The following CDH7 variants were observed in gnomAD, a reference collection of about 807,000 sequenced individuals.
The protein encoded by CDH7 is cadherin 7.
CDH7 carries 25 observed loss-of-function variants against 71.8 expected under a neutral mutation model. The observed-to-expected ratio is 0.35, with a 90% CI of 0.25 to 0.49. The LOEUF (loss-of-function observed/expected upper bound fraction) is 0.49, where lower values mean the gene tolerates loss of function less well. CDH7 is among the 20% of genes least tolerant of loss of function. The pLI is 0.99. For missense variants in CDH7, 862 were observed against 974.6 expected, an observed-to-expected ratio of 0.88 and a Z score of 1.54; for synonymous variants, 381 against 363.8, an observed-to-expected ratio of 1.05 and a Z score of -0.54.
chr18:65,769,812 T>C (rs1916489637), intron 2 of CDH7, among the ~76,000 whole-genome samples: 1 of 152,132 alleles, frequency 6.6e-6, no homozygotes, highest in Non-Finnish European at 1.5e-5. Context: ...TTTTGGCAAG[T>C]ATAAGACAGA....
chr18:65,819,101 A>G (rs1443422563), intron 4 of CDH7, among the ~76,000 whole-genome samples: 1 of 152,082 alleles, frequency 6.6e-6, no homozygotes, highest in Non-Finnish European at 1.5e-5. Flanking sequence ...GCTCATTGGC[A>G]TAAGACACTC....
intron 2 of CDH7, among the ~76,000 whole-genome samples, chr18:65,786,799 T>A (rs1285111976): frequency 1.3e-5 from 2 of 152,084 alleles, no homozygotes; most frequent in African/African-American, 4.8e-5. Context: ...TCATCCCACC[T>A]CAGCCTCTTG....
intron 6 of CDH7, among the ~76,000 whole-genome samples, chr18:65,837,253 G>A (rs1243263669): frequency 6.6e-6 from 1 of 152,164 alleles, no homozygotes; most frequent in African/African-American, 2.4e-5. Context: ...ATTCAAGGCT[G>A]TTGCAATAGG....
At chr18:65,813,763 T>C (rs1238497853) in intron 3 of CDH7, among the ~76,000 whole-genome samples, 1 of 152,180 alleles carries the variant, frequency 6.6e-6, no homozygotes, top group Non-Finnish European at 1.5e-5. Context: ...AGAAATGCTT[T>C]CCATATTGAA....
At chr18:65,792,668 G>GA (rs916172974) in intron 2 of CDH7, among the ~76,000 whole-genome samples, 12 of 151,638 alleles carry the variant, frequency 7.9e-5, no homozygotes, top group African/African-American at 2.7e-4. Context: ...GCCCTCTAGA[G>GA]AAGCAAACAA....
intron 11 of CDH7, among the ~76,000 whole-genome samples, chr18:65,871,075 A>G (rs1913912289): frequency 6.6e-6 from 1 of 152,226 alleles, no homozygotes; most frequent in Non-Finnish European, 1.5e-5. Context: ...AGATAAATTA[A>G]CTACATTACA....
intron 9 of CDH7, 94 bp from the exon 10 acceptor site, chr18:65,859,614 A>C: frequency 1.4e-6 from 1 of 726,560 alleles, no homozygotes; most frequent in Non-Finnish European, 2.5e-6. Flanking sequence ...GGGAGATGGT[A>C]TTTATTATAA....
chr18:65,850,006 G>A (rs8089604), intron 7 of CDH7, among the ~76,000 whole-genome samples: 146,544 of 151,110 alleles, frequency 0.97, 71,205 homozygotes, highest in East Asian at 1. Flanking sequence ...TTTACCAAAA[G>A]TACAAAAATT....
In CDH7 at chr18:65,863,914, A is replaced by G. The variant is rs866373363; in HGVS notation, c.1864+997A>G. ...CTTCACATTGTAACTTGTAACACGA[A>G]CACAACAAGAACAGAGTAAACATTC... On this transcript the variant is annotated intron_variant, in intron 11 of 11. Coordinates refer to ENST00000397968, the MANE Select transcript of CDH7 (RefSeq NM_004361.5). 4 of 152,196 alleles carry G rather than the reference A, an allele frequency of 2.6e-5. No individual in the cohort carries two copies. The South Asian group carries it at 8.3e-4, about 31-fold the overall frequency. The allele number at this position is 152,196 out of a possible 1,614,324, so 9.4% of individuals were successfully genotyped here. A position where few individuals can be genotyped will look rare whatever the true frequency, so the allele number is the denominator to read the frequency against.
intron 2 of CDH7, among the ~76,000 whole-genome samples, chr18:65,808,994 T>A (rs1479779267): frequency 6.6e-6 from 1 of 152,204 alleles, no homozygotes; most frequent in African/African-American, 2.4e-5. Context: ...CGGGAGGTGC[T>A]GCCCTGCTGC....
chr18:65,803,602 T>C (rs1387149817), intron 2 of CDH7: 1 of 152,156 alleles, frequency 6.6e-6, no homozygotes. Flanking sequence ...CTGTAACATT[T>C]ATTCAACAGC....
Position 65,843,891 on chromosome 18 carries a change from G to T in CDH7, c.1061G>T (p.Ser354Ile). ...ANKDADPRFL[S>I]LGPFSDTTTV... ...AAAGATGCCGACCCTCGCTTTCTGAGCTTGGGTCCGTTCAGTGACACGACA... is the reference window on the plus strand; with the variant it reads ...AAAGATGCCGACCCTCGCTTTCTGATCTTGGGTCCGTTCAGTGACACGACA... Residue 354 changes from serine to isoleucine, a missense_variant, in exon 7 of 12, where the codon AGC becomes ATC. Transcript: ENST00000397968. 1 of 1,597,042 alleles carries T rather than the reference G, an allele frequency of 6.3e-7. No individual in the cohort carries two copies. Among genetic ancestry groups the T allele is most frequent in the South Asian group, 1.1e-5 (1 of 90,000 alleles).
chr18:65,821,320 T>C (rs1474189781), intron 4 of CDH7, among the ~76,000 whole-genome samples: 1 of 152,094 alleles, frequency 6.6e-6, no homozygotes, highest in Non-Finnish European at 1.5e-5. Flanking sequence ...AGAGTATCTA[T>C]ATATTAGATA....
chr18:65,810,578 T>C (rs1159867897), intron 3 of CDH7, among the ~76,000 whole-genome samples: 2 of 152,166 alleles, frequency 1.3e-5, no homozygotes, highest in Non-Finnish European at 2.9e-5. Flanking sequence ...AGATCAGGGA[T>C]ACATGTGCAG....
Position 65,859,037 on chromosome 18 carries a change from G to T in CDH7, c.1485G>T (p.Gln495His), listed in dbSNP as rs767181274. 1 of 1,613,404 alleles carries T rather than the reference G, an allele frequency of 6.2e-7. No homozygotes were observed. Among genetic ancestry groups the T allele is most frequent in the Non-Finnish European group, 8.5e-7 (1 of 1,179,526 alleles). ...DYETTVCENA[Q>H]PGQVIQKISA... ...AGACCACCGTCTGTGAAAATGCCCA[G>T]CCGGGGCAGGTAAGAGTCTTCAGAA... The change falls in exon 9 of 12, where the codon CAG becomes CAT. Residue 495 changes from glutamine (Q) to histidine (H), a missense_variant. Gln to His is a conservative substitution (Grantham distance 24). Coordinates refer to ENST00000397968, the MANE Select transcript of CDH7 (RefSeq NM_004361.5).
chr18:65,785,671 A>T (rs9319696), intron 2 of CDH7, among the ~76,000 whole-genome samples: 51,004 of 151,794 alleles, frequency 0.34, 8,847 homozygotes, highest in Middle Eastern at 0.46. Flanking sequence ...TTAATATATA[A>T]TATTTTCCTA....
rs775382251 is a variant in CDH7, at chr18:65,757,789, ATAT to A, written c.-196-4856_-196-4854del. On this transcript the variant is annotated intron_variant, in intron 1 of 11. Coordinates refer to ENST00000397968, the MANE Select transcript of CDH7 (RefSeq NM_004361.5). ...TTCAACTGTATATCCATATATATAT[ATAT>A]TTTTTTTTTCTGCACTTTTTAAAGA... Among the ~76,000 whole-genome samples, 1,389 of 143,506 alleles carry A rather than the reference ATAT, an allele frequency of 9.7e-3. 26 individuals carry two copies. Among genetic ancestry groups the A allele is most frequent in the African/African-American group, 0.036 (1,320 of 36,684 alleles). 94.1% of individuals were successfully genotyped at this position (143,506 alleles called of 152,430 possible).
At chr18:65,802,583 G>A (rs4586556) in intron 2 of CDH7, among the ~76,000 whole-genome samples, 91,832 of 151,950 alleles carry the variant, frequency 0.6, 29,408 homozygotes, top group East Asian at 0.97. Flanking sequence ...AAGTGCTTCT[G>A]GCCTATTTCA....
intron 2 of CDH7, among the ~76,000 whole-genome samples, chr18:65,806,797 G>A (rs1049229341): frequency 3.9e-5 from 6 of 152,112 alleles, no homozygotes; most frequent in Non-Finnish European, 7.4e-5. Flanking sequence ...GGAGAGAGGA[G>A]TTTTTTACTA....
Sources: gnomAD v4.1 joint callset for allele counts (sites outside exome capture counted in the v4.1 genomes callset) on GRCh38, gnomAD v4.1.1 for gene constraint, MANE v1.5 for transcripts, NCBI Gene and HGNC (gene_info 2026-07-23, HGNC 2026-07-21) for gene names.